Variants in SPOCK2 observed in about 807,000 individuals in gnomAD.
SPOCK2 encodes the protein SPARC (osteonectin), cwcv and kazal like domains proteoglycan 2.
In SPOCK2, 39 loss-of-function variants were observed where a neutral mutation model predicts 60.1. The ratio of observed to expected loss-of-function variants is 0.65; its 90% CI spans 0.50 to 0.85. The LOEUF is 0.85. Ranked by LOEUF, SPOCK2 falls within the 40% of genes least tolerant of loss-of-function variation. The probability of loss-of-function intolerance (pLI) is 0.00; values close to 1 mark genes in which losing one functional copy is unlikely to be tolerated. For synonymous variants in SPOCK2, 217 were observed against 231.5 expected, an observed-to-expected ratio of 0.94 and a Z score of 0.57; for missense variants, 523 against 567.4, an observed-to-expected ratio of 0.92 and a Z score of 0.80.
chr10:72,086,800 A>C (rs1702959425), intron 1 of SPOCK2: 1 of 1,515,562 alleles, frequency 6.6e-7, no homozygotes, highest in African/African-American at 1.4e-5. Context: ...CTTTGGGGAG[A>C]AACAGTCACT....
intron 1 of SPOCK2, among the ~76,000 whole-genome samples, chr10:72,084,343 G>A (rs1840827730): frequency 6.6e-6 from 1 of 152,242 alleles, no homozygotes; most frequent in African/African-American, 2.4e-5. Context: ...GGGTTTAGGT[G>A]ATGTGCCCGG....
chr10:72,075,075 C>T (rs1342305047), intron 1 of SPOCK2, among the ~76,000 whole-genome samples: 1 of 152,154 alleles, frequency 6.6e-6, no homozygotes, highest in African/African-American at 2.4e-5. Flanking sequence ...GCAGGCACCA[C>T]TTCCCTCGTT....
At chr10:72,065,331 C>G (rs1214169724) in intron 8 of SPOCK2, among the ~76,000 whole-genome samples, 1 of 152,192 alleles carries the variant, frequency 6.6e-6, no homozygotes, top group Non-Finnish European at 1.5e-5. Context: ...CCACCGCGCC[C>G]GGTCTATGTT....
chr10:72,071,019 T>C (rs1840640025), intron 4 of SPOCK2, among the ~76,000 whole-genome samples: 1 of 152,118 alleles, frequency 6.6e-6, no homozygotes, highest in African/African-American at 2.4e-5. Flanking sequence ...GCACTCTTCA[T>C]GCATTACATT....
At position 72,066,363 on chromosome 10, in the gene SPOCK2, G is replaced by A. The variant is rs115582565; in HGVS notation, c.928+539C>T. ...TTTCCTTCTTTTTTTTTTTTAATAG[G>A]TTCTTGCTCTGTTGCTCAGGCTGGA... On this transcript the variant is annotated intron_variant, in intron 8 of 10. Coordinates refer to ENST00000373109, the MANE Select transcript of SPOCK2 (RefSeq NM_001244950.2). 8.0e-3 allele frequency among the ~76,000 whole-genome samples: 1,184 copies of A among 148,842 alleles called. 17 individuals carry two copies. Among genetic ancestry groups the A allele is most frequent in the African/African-American group, 0.027 (1,090 of 40,348 alleles).
chr10:72,069,726 G>A (rs372049659), intron 5 of SPOCK2, among the ~76,000 whole-genome samples: 41 of 152,172 alleles, frequency 2.7e-4, no homozygotes, highest in African/African-American at 9.6e-4. Context: ...TCAAAGTGCT[G>A]GGATTGCAGG....
chr10:72,068,297 T>G lies in SPOCK2; in HGVS notation c.479A>C (p.Lys160Thr). The G allele has an allele frequency of 4.4e-6, 7 of 1,609,048 alleles. No individual in the cohort carries two copies. Among genetic ancestry groups the G allele is most frequent in the Non-Finnish European group, 5.9e-6 (7 of 1,177,794 alleles). Residue 160 changes from lysine (K) to threonine (T), a missense_variant, in exon 6 of 11, where the codon AAG becomes ACG. Transcript: ENST00000373109. ...GCTCAGGCACGCCTGTTGCTCCAGCTTACACTGCACATGGGGAAAGGTGGA... is the reference window on the plus strand; with the variant it reads ...GCTCAGGCACGCCTGTTGCTCCAGCGTACACTGCACATGGGGAAAGGTGGA... ...SDGHTYSSVC[K>T]LEQQACLSSK...
intron 1 of SPOCK2, among the ~76,000 whole-genome samples, chr10:72,085,067 A>C (rs1170823004): frequency 6.6e-6 from 1 of 152,234 alleles, no homozygotes; most frequent in Non-Finnish European, 1.5e-5. Context: ...AGAATGCTGT[A>C]TAATGGACCT....
At chr10:72,085,839 G>T (rs1840848069) in intron 1 of SPOCK2, among the ~76,000 whole-genome samples, 1 of 152,214 alleles carries the variant, frequency 6.6e-6, no homozygotes. Flanking sequence ...AGTGCCTTCA[G>T]CCCTTAGGCA....
intron 1 of SPOCK2, chr10:72,086,901 C>T: frequency 5.2e-6 from 8 of 1,551,446 alleles, no homozygotes; most frequent in Non-Finnish European, 7.0e-6. Flanking sequence ...AAACAAATTT[C>T]CAAGGAACTT....
chr10:72,062,841 CT>C lies in SPOCK2; in HGVS notation c.1193del (p.Lys398ArgfsTer44). 1 of 1,608,310 alleles carries C rather than the reference CT, an allele frequency of 6.2e-7. No individual in the cohort carries two copies. On this transcript the variant is annotated frameshift_variant, in exon 11 of 11. Coordinates refer to ENST00000373109, the MANE Select transcript of SPOCK2 (RefSeq NM_001244950.2). LOFTEE classifies it high-confidence loss of function. This position sits in a 1 kb window ranked among gnomAD's most constrained non-coding sequence, Gnocchi z 4.3. ...SGVGWEDEEE[K>X]ETEEAGEEAE... Reference sequence around the variant, plus strand: ...CCTCCTCGCCTGCTTCCTCCGTCTCCTTCTCCTCCTCATCCTCCCAGCCGAC... The same window carrying C: ...CCTCCTCGCCTGCTTCCTCCGTCTCCTCTCCTCCTCATCCTCCCAGCCGAC...
At chr10:72,066,345 C>CTT (rs556163596) in intron 8 of SPOCK2, among the ~76,000 whole-genome samples, 3 of 144,822 alleles carry the variant, frequency 2.1e-5, no homozygotes, top group African/African-American at 5.0e-5. Flanking sequence ...TTCTTTCCTT[C>CTT]TTTTTTTTTT....
intron 1 of SPOCK2, among the ~76,000 whole-genome samples, chr10:72,083,665 G>A (rs1038977629): frequency 6.6e-6 from 1 of 152,156 alleles, no homozygotes; most frequent in African/African-American, 2.4e-5. Context: ...TTGGAGTCTC[G>A]CTGGGTGTTC....
At chr10:72,083,916 A>G (rs1840821422) in intron 1 of SPOCK2, among the ~76,000 whole-genome samples, 1 of 152,200 alleles carries the variant, frequency 6.6e-6, no homozygotes, top group Non-Finnish European at 1.5e-5. Context: ...ACGTCGGCGC[A>G]GCGCATCCCC....
intron 7 of SPOCK2, 80 bp downstream of exon 7, chr10:72,067,533 G>C: frequency 6.3e-7 from 1 of 1,584,090 alleles, no homozygotes; most frequent in South Asian, 1.1e-5. Context: ...AACAAGGGCA[G>C]ACTGGCCCAG....
chr10:72,072,707 C>T, intron 2 of SPOCK2, 159 bp from the exon 3 acceptor site: 1 of 1,332,414 alleles, frequency 7.5e-7, no homozygotes, highest in Non-Finnish European at 1.1e-6. Context: ...TGCCAGCTGC[C>T]TCCCCCACAC....
chr10:72,063,742 C>T (rs531645470), intron 9 of SPOCK2, among the ~76,000 whole-genome samples: 23 of 152,310 alleles, frequency 1.5e-4, no homozygotes, highest in African/African-American at 4.3e-4. Flanking sequence ...GGAGTGCATC[C>T]TTCTTGCCAT....
intron 2 of SPOCK2, 160 bp from the exon 3 acceptor site, chr10:72,072,708 T>C: frequency 7.5e-7 from 1 of 1,330,744 alleles, no homozygotes; most frequent in Non-Finnish European, 1.1e-6. Context: ...GCCAGCTGCC[T>C]CCCCCACACC....
rs546433410 is a variant in SPOCK2, at chr10:72,084,579, C to G, written c.189+3561G>C. ...GGCATCCTTGAAGACTCAGAGGACA[C>G]AAGCCAGAGTATACTTTGCTCTTCA... On this transcript the variant is annotated intron_variant, in intron 1 of 10. Transcript: ENST00000373109. 2.6e-5 allele frequency among the ~76,000 whole-genome samples: 4 copies of G among 152,328 alleles called. No individual in the cohort carries two copies. The South Asian group carries it at 8.3e-4, about 32-fold the overall frequency.
Sources: allele counts gnomAD v4.1 joint callset (sites outside exome capture counted in the v4.1 genomes callset), GRCh38; gene constraint gnomAD v4.1.1; non-coding constraint Gnocchi (gnomAD v3.1); transcripts MANE v1.5; gene names NCBI Gene and HGNC (gene_info 2026-07-23, HGNC 2026-07-21).